The following ABHD12B variants were observed in gnomAD, a reference collection of about 807,000 sequenced individuals.
The protein encoded by ABHD12B is protein ABHD12B.
In ABHD12B, 42 loss-of-function variants were observed where a neutral mutation model predicts 50.4. The ratio of observed to expected loss-of-function variants is 0.83; its 90% confidence interval spans 0.65 to 1.08. The LOEUF is 1.08. Among genes scored for constraint, ABHD12B ranks in the 50% least tolerant of loss-of-function variants. The pLI is 0.00. For synonymous variants in ABHD12B, 167 were observed against 160.3 expected (o/e 1.04, Z -0.32); for missense variants, 479 against 447.7 (o/e 1.07, Z -0.63).
intron 8 of ABHD12B, among the ~76,000 whole-genome samples, chr14:50,887,710 T>A (rs1178750968): frequency 3.3e-5 from 5 of 152,222 alleles, no homozygotes; most frequent in Non-Finnish European, 7.3e-5. Context: ...CAGATCACCT[T>A]AATCTAATTA....
At chr14:50,892,375 A>G (rs2050130953) in intron 9 of ABHD12B, 1 of 982,058 alleles carries the variant, frequency 1.0e-6, no homozygotes, top group Non-Finnish European at 1.2e-6. Context: ...CAGAACAAGG[A>G]CGTGACCTCA....
In ABHD12B at chr14:50,902,015, C is replaced by T. The variant is rs77759271; in HGVS notation, c.863+104C>T. 2,989 of 673,868 alleles carry T rather than the reference C, an allele frequency of 4.4e-3. 87 individuals carry two copies. The East Asian group carries it at 0.063, about 14-fold the overall frequency. 41.7% of individuals were successfully genotyped at this position (673,868 alleles called of 1,614,324 possible). On this transcript the variant is annotated intron_variant, in intron 10 of 12. Transcript: ENST00000337334. ...TGGTGACATGAGACATCCTGAATAT[C>T]ATTCTTATTCTTAGAATATTGTTCT...
At chr14:50,898,079 A>T (rs2050219118) in intron 9 of ABHD12B, among the ~76,000 whole-genome samples, 1 of 152,188 alleles carries the variant, frequency 6.6e-6, no homozygotes, top group Non-Finnish European at 1.5e-5. Context: ...GTGAATGTTA[A>T]CTCAGACCCC....
Position 50,885,823 on chromosome 14 carries a change from G to T in ABHD12B, c.590G>T (p.Cys197Phe). The T allele has an allele frequency of 6.2e-7, 1 of 1,614,174 alleles. No individual in the cohort carries two copies. The highest frequency in any genetic ancestry group is 1.1e-5 in the South Asian group (1 of 91,082). ...GAGGGACTGACTACGGATGCCATTTGTGTCTATGAGTGGACCAAGGCAAGA... is the reference window on the plus strand; with the variant it reads ...GAGGGACTGACTACGGATGCCATTTTTGTCTATGAGTGGACCAAGGCAAGA... ...TEEGLTTDAI[C>F]VYEWTKARSG... The change falls in exon 7 of 13, where the codon TGT becomes TTT. Residue 197 changes from cysteine (C) to phenylalanine (F), a missense_variant. By Grantham distance (205) the Cys-to-Phe change is radical. Transcript: ENST00000337334.
intron 11 of ABHD12B, among the ~76,000 whole-genome samples, chr14:50,903,767 T>TA (rs2050294656): frequency 6.6e-6 from 1 of 152,192 alleles, no homozygotes. Context: ...GGCTCTAAAA[T>TA]GGAAGACGCA....
chr14:50,880,139 T>A (rs955406711), intron 3 of ABHD12B, among the ~76,000 whole-genome samples: 6 of 151,914 alleles, frequency 3.9e-5, no homozygotes, highest in Non-Finnish European at 7.4e-5. Flanking sequence ...TTTCCCTTTT[T>A]AAAAAAAACA....
At chr14:50,878,363 C>T (rs1033491544) in intron 2 of ABHD12B, among the ~76,000 whole-genome samples, 3 of 152,184 alleles carry the variant, frequency 2.0e-5, no homozygotes, top group African/African-American at 7.2e-5. Context: ...CTGGACATTT[C>T]TTGCCTTTTG....
Position 50,872,065 on chromosome 14 carries a change from C to G in ABHD12B, c.-110C>G. On this transcript the variant is annotated 5_prime_UTR_variant, in exon 1 of 13. Coordinates refer to ENST00000337334, the MANE Select transcript of ABHD12B (RefSeq NM_001206673.2). The stretch of plus-strand genomic sequence containing the variant: ...CCCCCGCCGTACCAGCCTGCCTGAC[C>G]GCGCGGAGGAGGAGGGCGGGCGCGG... 1 of 797,226 alleles carries G rather than the reference C, an allele frequency of 1.3e-6. No individual in the cohort carries two copies. The highest frequency in any genetic ancestry group is 1.7e-6 in the Non-Finnish European group (1 of 605,196). The allele number at this position is 797,226 out of a possible 1,614,324, so 49.4% of individuals were successfully genotyped here.
chr14:50,877,525 C>T (rs2049878938), intron 1 of ABHD12B, among the ~76,000 whole-genome samples: 1 of 152,166 alleles, frequency 6.6e-6, no homozygotes, highest in Non-Finnish European at 1.5e-5. Flanking sequence ...TACCTGGTTT[C>T]CCCTTAGTCC....
rs879299054 is a variant in ABHD12B at position 50,874,612 on chromosome 14, T to A, written c.104+2334T>A. Reference sequence around the variant, plus strand: ...GAGACTCCGTCTCAAAAAAAAATAATAATAAAAAAAGAAAAATGGAAAATG... The same window carrying A: ...GAGACTCCGTCTCAAAAAAAAATAAAAATAAAAAAAGAAAAATGGAAAATG... On this transcript the variant is annotated intron_variant, in intron 1 of 12. Transcript: ENST00000337334. 1.8e-3 allele frequency among the ~76,000 whole-genome samples: 271 copies of A among 147,310 alleles called. 1 individual carries two copies. The highest frequency in any genetic ancestry group is 3.1e-3 in the Non-Finnish European group (206 of 66,740).
intron 9 of ABHD12B, among the ~76,000 whole-genome samples, chr14:50,889,753 G>A (rs551527810): frequency 2.6e-5 from 4 of 152,356 alleles, no homozygotes; most frequent in African/African-American, 9.6e-5. Flanking sequence ...AATGAGAGGT[G>A]GGGAGAGAGA....
intron 5 of ABHD12B, among the ~76,000 whole-genome samples, chr14:50,884,628 G>A (rs1043218478): frequency 3.3e-5 from 5 of 151,366 alleles, no homozygotes; most frequent in African/African-American, 1.2e-4. Flanking sequence ...ATTAAATAAA[G>A]TTTCAAAAGT....
intron 3 of ABHD12B, 90 bp downstream of exon 3, chr14:50,878,937 G>A: frequency 9.6e-7 from 1 of 1,042,098 alleles, no homozygotes; most frequent in Non-Finnish European, 1.5e-6. Context: ...CCTGCCCACG[G>A]AGAGGTCGGT....
chr14:50,899,404 T>C (rs938161296), intron 9 of ABHD12B, among the ~76,000 whole-genome samples: 4 of 152,254 alleles, frequency 2.6e-5, no homozygotes, highest in African/African-American at 9.6e-5. Flanking sequence ...AAAGTCTCTA[T>C]TCTATTATTA....
chr14:50,872,980 C>A (rs961492940), intron 1 of ABHD12B, among the ~76,000 whole-genome samples: 1 of 152,202 alleles, frequency 6.6e-6, no homozygotes, highest in East Asian at 1.9e-4. Flanking sequence ...AACATATTGT[C>A]AGTCTTGTTT....
Position 50,872,123 on chromosome 14 carries a change from C to A in ABHD12B, c.-52C>A. ...GGGGCGGGAAGGTCGCGGGCGGCTG[C>A]TCCGGACTGCAGCTCCCGCGGCGGT... On this transcript the variant is annotated 5_prime_UTR_variant, in exon 1 of 13. Coordinates refer to ENST00000337334, the MANE Select transcript of ABHD12B (RefSeq NM_001206673.2). 1 of 1,212,494 alleles carries A rather than the reference C, an allele frequency of 8.2e-7. No individual in the cohort carries two copies. The highest frequency in any genetic ancestry group is 1.0e-6 in the Non-Finnish European group (1 of 968,142). The allele number at this position is 1,212,494 out of a possible 1,614,324, so 75.1% of individuals were successfully genotyped here. A position where few individuals can be genotyped will look rare whatever the true frequency, so the allele number is the denominator to read the frequency against.
chr14:50,903,281 T>C, intron 10 of ABHD12B, 108 bp from the exon 11 acceptor site: 1 of 768,712 alleles, frequency 1.3e-6, no homozygotes, highest in Non-Finnish European at 2.1e-6. Flanking sequence ...GAAAGAAATT[T>C]CTTGTAATTT....
Position 50,872,062 on chromosome 14 carries a change from G to C in ABHD12B, c.-113G>C. 1.3e-6 allele frequency: 1 copy of C among 770,440 alleles called. No individual in the cohort carries two copies. The highest frequency in any genetic ancestry group is 1.7e-6 in the Non-Finnish European group (1 of 580,898). 47.7% of individuals were successfully genotyped at this position (770,440 alleles called of 1,614,324 possible). A position where few individuals can be genotyped will look rare whatever the true frequency, so the allele number is the denominator to read the frequency against. ...TCTCCCCCGCCGTACCAGCCTGCCT[G>C]ACCGCGCGGAGGAGGAGGGCGGGCG... is the stretch of plus-strand genomic sequence containing the variant. On this transcript the variant is annotated 5_prime_UTR_variant, in exon 1 of 13. Coordinates refer to ENST00000337334, the MANE Select transcript of ABHD12B (RefSeq NM_001206673.2).
rs780528780 is a variant in ABHD12B at position 50,881,594 on chromosome 14, A to AG, written c.457dup. 12 of 1,588,580 alleles carry AG rather than the reference A, an allele frequency of 7.6e-6. 1 individual carries two copies. The highest frequency in any genetic ancestry group is 7.0e-5 in the African/African-American group (5 of 71,158). ...TTTTTTTTTTTTAAACTTCCTTCAC[A>AG]GGGCAGCTTCGCACAGACTGAAGCT... On this transcript the variant is annotated splice_acceptor_variant, in intron 4 of 12. Transcript: ENST00000337334.
Sources: gnomAD v4.1 joint callset for allele counts (sites outside exome capture counted in the v4.1 genomes callset) on GRCh38, gnomAD v4.1.1 for gene constraint, MANE v1.5 for transcripts, NCBI Gene and HGNC (gene_info 2026-07-23, HGNC 2026-07-21) for gene names.